The following ZNF385B variants were observed in gnomAD, a reference collection of about 807,000 sequenced individuals.
ZNF385B encodes the protein zinc finger protein 385B.
Under a neutral mutation model 39.2 loss-of-function variants are expected in ZNF385B, and 23 were observed. That is an observed-to-expected ratio of 0.59 (90% CI 0.42 to 0.83). The LOEUF is 0.83. Ranked by LOEUF, ZNF385B falls within the 40% of genes least tolerant of loss-of-function variation. ZNF385B has a pLI of 0.00. For synonymous variants in ZNF385B, 205 were observed against 222.6 expected (o/e 0.92, Z 0.70); for missense variants, 552 against 598.9 (o/e 0.92, Z 0.82).
intron 3 of ZNF385B, among the ~76,000 whole-genome samples, chr2:179,604,300 T>C (rs976040669): frequency 1.3e-5 from 2 of 151,998 alleles, no homozygotes; most frequent in Non-Finnish European, 2.9e-5. Context: ...CTTTAAAGTA[T>C]AGAACTATTA....
At chr2:179,467,116 C>A (rs1232440444) in intron 6 of ZNF385B, among the ~76,000 whole-genome samples, 2 of 151,980 alleles carry the variant, frequency 1.3e-5, no homozygotes, top group Non-Finnish European at 2.9e-5. Flanking sequence ...GTACCACTCA[C>A]AATTAACCCA....
At chr2:179,720,126 G>A (rs1041784894) in intron 3 of ZNF385B, among the ~76,000 whole-genome samples, 14 of 152,038 alleles carry the variant, frequency 9.2e-5, no homozygotes, top group Admixed American at 7.2e-4. Context: ...AGGGTAAAGC[G>A]ACGGTCATCT....
intron 3 of ZNF385B, among the ~76,000 whole-genome samples, chr2:179,730,018 A>C (rs1256527363): frequency 6.6e-6 from 1 of 152,190 alleles, no homozygotes; most frequent in Non-Finnish European, 1.5e-5. Context: ...ATAGCAGTGC[A>C]GAAACAGACT....
chr2:179,544,830 G>C lies in ZNF385B; in HGVS notation c.438C>G (p.Asn146Lys), dbSNP rs1291698274. ...AAATAGAAATGAATTTACTCACTGT[G>C]TTAAAATTTGGAAAGAGCCCAACAG... ...SSAVGLFPNF[N>K]TMDPVQKAVI... Residue 146 changes from asparagine to lysine, a missense_variant, in exon 4 of 10, where the codon AAC (asparagine) becomes AAG (lysine). By Grantham distance (94) the Asn-to-Lys change is moderately conservative (BLOSUM62 0). Transcript: ENST00000410066. The C allele has an allele frequency of 6.2e-7, 1 of 1,613,894 alleles. No homozygotes were observed. Among genetic ancestry groups the C allele is most frequent in the Non-Finnish European group, 8.5e-7 (1 of 1,179,908 alleles).
chr2:179,697,191 C>T (rs1347302324), intron 3 of ZNF385B, among the ~76,000 whole-genome samples: 1 of 152,144 alleles, frequency 6.6e-6, no homozygotes, highest in East Asian at 1.9e-4. Context: ...AAAATTCATA[C>T]TCGGTCCACT....
At chr2:179,505,603 C>G (rs1179591592) in intron 5 of ZNF385B, among the ~76,000 whole-genome samples, 1 of 152,080 alleles carries the variant, frequency 6.6e-6, no homozygotes, top group African/African-American at 2.4e-5. Context: ...ATGAAAATTA[C>G]TTTTCAGAGA....
chr2:179,530,813 C>T (rs1288807547), intron 4 of ZNF385B, among the ~76,000 whole-genome samples: 2 of 152,134 alleles, frequency 1.3e-5, no homozygotes, highest in African/African-American at 2.4e-5. Context: ...GACAATTGAG[C>T]ACTAGTAAAG....
chr2:179,594,870 A>T (rs1687871475), intron 3 of ZNF385B, among the ~76,000 whole-genome samples: 1 of 150,164 alleles, frequency 6.7e-6, no homozygotes, highest in African/African-American at 2.5e-5. Context: ...GCAGTGGCCT[A>T]ATCATGGTTT....
intron 3 of ZNF385B, among the ~76,000 whole-genome samples, chr2:179,605,446 A>T (rs1473386380): frequency 1.3e-5 from 2 of 152,128 alleles, no homozygotes; most frequent in Non-Finnish European, 1.5e-5. Context: ...TTTAAATGAG[A>T]GGCCAAGACA....
intron 3 of ZNF385B, among the ~76,000 whole-genome samples, chr2:179,610,485 C>G (rs1689198316): frequency 6.6e-6 from 1 of 151,928 alleles, no homozygotes. Flanking sequence ...AAGTTAGATA[C>G]TGTGATTTCT....
intron 3 of ZNF385B, among the ~76,000 whole-genome samples, chr2:179,659,499 C>T (rs2106271927): frequency 6.6e-6 from 1 of 151,956 alleles, no homozygotes; most frequent in Admixed American, 6.5e-5. Flanking sequence ...AAGACTAATG[C>T]ATGCAAATGT....
chr2:179,675,949 G>A (rs911973003), intron 3 of ZNF385B, among the ~76,000 whole-genome samples: 3 of 151,392 alleles, frequency 2.0e-5, no homozygotes, highest in Non-Finnish European at 2.9e-5. Context: ...CACCACACCC[G>A]GCTAATTTTT....
At chr2:179,668,157 C>A (rs1172376983) in intron 3 of ZNF385B, among the ~76,000 whole-genome samples, 4 of 152,124 alleles carry the variant, frequency 2.6e-5, no homozygotes, top group East Asian at 1.9e-4. Flanking sequence ...ATTAATGACA[C>A]CATGATATTT....
chr2:179,847,226 CAA>C (rs1291394780), intron 1 of ZNF385B, among the ~76,000 whole-genome samples: 1 of 152,154 alleles, frequency 6.6e-6, no homozygotes, highest in African/African-American at 2.4e-5. Flanking sequence ...ACTTTCTACA[CAA>C]AGTTATTTCT....
chr2:179,852,639 G>C (rs576387224), intron 1 of ZNF385B, among the ~76,000 whole-genome samples: 1 of 152,272 alleles, frequency 6.6e-6, no homozygotes, highest in East Asian at 1.9e-4. Context: ...CCCAATGAGA[G>C]AGCACAGACT....
At chr2:179,743,792 T>C (rs1328295261) in intron 3 of ZNF385B, among the ~76,000 whole-genome samples, 1 of 152,156 alleles carries the variant, frequency 6.6e-6, no homozygotes, top group African/African-American at 2.4e-5. Context: ...TTAATATTAA[T>C]ATCATTTTAG....
intron 3 of ZNF385B, among the ~76,000 whole-genome samples, chr2:179,553,721 A>G (rs1359788202): frequency 2.7e-5 from 4 of 149,256 alleles, no homozygotes; most frequent in Non-Finnish European, 4.4e-5. Flanking sequence ...CATCAAATAC[A>G]TTTAGAAAAT....
chr2:179,589,086 CT>C (rs1444974204), intron 3 of ZNF385B, among the ~76,000 whole-genome samples: 2 of 152,118 alleles, frequency 1.3e-5, no homozygotes, highest in African/African-American at 4.8e-5. Context: ...TACCCCATAT[CT>C]TTTCAGTGAC....
intron 3 of ZNF385B, among the ~76,000 whole-genome samples, chr2:179,647,762 A>C (rs776245498): frequency 7.2e-5 from 11 of 152,218 alleles, no homozygotes; most frequent in Non-Finnish European, 1.0e-4. Flanking sequence ...CTGTGGGGAG[A>C]GAAAGAGACT....
Sources: allele counts gnomAD v4.1 joint callset (sites outside exome capture counted in the v4.1 genomes callset), GRCh38; gene constraint gnomAD v4.1.1; transcripts MANE v1.5; gene names NCBI Gene and HGNC (gene_info 2026-07-23, HGNC 2026-07-21).